The following CLASP1 variants were observed in gnomAD, a reference collection of about 807,000 sequenced individuals.
The protein encoded by CLASP1 is CLIP-associating protein 1.
CLASP1 carries 38 observed loss-of-function variants against 192.3 expected under a neutral mutation model. The ratio of observed to expected loss-of-function variants is 0.20; its 90% CI spans 0.15 to 0.26. CLASP1 has a LOEUF of 0.26. CLASP1 is among the 10% of genes least tolerant of loss of function. The pLI is 1.00. For missense variants in CLASP1, 1,433 were observed against 1,932.5 expected, an observed-to-expected ratio of 0.74 and a Z score of 4.85; for synonymous variants, 691 against 712.8, an observed-to-expected ratio of 0.97 and a Z score of 0.49.
At chr2:121,423,666 A>G (rs779258019) in intron 22 of CLASP1, among the ~76,000 whole-genome samples, 1 of 152,246 alleles carries the variant, frequency 6.6e-6, no homozygotes, top group Non-Finnish European at 1.5e-5. Flanking sequence ...ACAGCATCAG[A>G]CATAAAATTC....
intron 1 of CLASP1, among the ~76,000 whole-genome samples, chr2:121,648,387 G>A (rs750600792): frequency 7.2e-5 from 11 of 152,122 alleles, no homozygotes; most frequent in Non-Finnish European, 1.5e-4. Flanking sequence ...CATGTTTAAA[G>A]AGCTCACAGG....
Position 121,382,179 on chromosome 2 carries a change from T to C in CLASP1, c.3491+29A>G, listed in dbSNP as rs762185028. 8 of 1,537,984 alleles carry C rather than the reference T, an allele frequency of 5.2e-6. No homozygotes were observed. In the South Asian group the frequency reaches 9.4e-5, roughly 18 times the overall value. On this transcript the variant is annotated intron_variant, in intron 33 of 39. Coordinates refer to ENST00000263710, the Ensembl canonical transcript of CLASP1. Reference sequence around the variant, plus strand: ...GGAAATGCAATAATATTGTGACACCTCAGACAAGTTTGACAGGTAGCTTGT... The same window carrying C: ...GGAAATGCAATAATATTGTGACACCCCAGACAAGTTTGACAGGTAGCTTGT...
At chr2:121,611,647 T>G (rs1323387743) in intron 1 of CLASP1, among the ~76,000 whole-genome samples, 336 of 51,276 alleles carry the variant, frequency 6.6e-3, no homozygotes, top group Middle Eastern at 0.014. Flanking sequence ...AGAGGAGGAG[T>G]TGGAGGAGTT....
chr2:121,444,888 G>C (rs1300604292), intron 19 of CLASP1: 6 of 1,269,730 alleles, frequency 4.7e-6, no homozygotes, highest in Non-Finnish European at 6.4e-6. Flanking sequence ...GGTGAGAACA[G>C]AGGACCAGAG....
chr2:121,610,154 A>G (rs1421551800), intron 1 of CLASP1, among the ~76,000 whole-genome samples: 1 of 152,238 alleles, frequency 6.6e-6, no homozygotes, highest in African/African-American at 2.4e-5. Flanking sequence ...AGAGGGAAAA[A>G]GGATGACGTG....
chr2:121,528,528 A>C, intron 4 of CLASP1, 149 bp downstream of exon 4: 1 of 645,806 alleles, frequency 1.5e-6, no homozygotes, highest in Non-Finnish European at 2.8e-6. Context: ...GCATGGGGAA[A>C]CAGATTGAAT....
At chr2:121,519,683 C>T (rs2094412345) in intron 6 of CLASP1, among the ~76,000 whole-genome samples, 1 of 152,216 alleles carries the variant, frequency 6.6e-6, no homozygotes, top group Non-Finnish European at 1.5e-5. Flanking sequence ...TTATCTCTAT[C>T]TTTTAAACCA....
In CLASP1 at chr2:121,387,312, T is replaced by C. The variant is rs774031132; in HGVS notation, c.3268-84A>G. 508 of 927,830 alleles carry C rather than the reference T, an allele frequency of 5.5e-4. 4 individuals are homozygous for C. The highest frequency in any genetic ancestry group is 1.0e-4 in the Admixed American group (3 of 28,930). 57.5% of individuals were successfully genotyped at this position (927,830 alleles called of 1,614,324 possible). A position where few individuals can be genotyped will look rare whatever the true frequency, so the allele number is the denominator to read the frequency against. ...TCTTTCCTTGGTCTTTTAACCCACA[T>C]GTAAATAAATGGGTAGAATCTGCCC... On this transcript the variant is annotated intron_variant, in intron 31 of 39. Transcript: ENST00000263710.
intron 6 of CLASP1, among the ~76,000 whole-genome samples, chr2:121,521,144 T>C (rs774003553): frequency 1.3e-5 from 2 of 152,136 alleles, no homozygotes; most frequent in Admixed American, 6.5e-5. Context: ...AGAAAAAAAG[T>C]CTATCTTTTA....
chr2:121,598,332 C>T (rs1244861500), intron 2 of CLASP1, among the ~76,000 whole-genome samples: 1 of 152,170 alleles, frequency 6.6e-6, no homozygotes, highest in Non-Finnish European at 1.5e-5. Flanking sequence ...AAACTGATCC[C>T]AATATGAGTC....
chr2:121,468,094 G>A (rs533174328), intron 9 of CLASP1, among the ~76,000 whole-genome samples: 6 of 152,280 alleles, frequency 3.9e-5, no homozygotes, highest in Admixed American at 3.9e-4. Flanking sequence ...AGATCAGATG[G>A]TTGTAGTCGT....
At chr2:121,519,971 A>G (rs772195534) in intron 6 of CLASP1, among the ~76,000 whole-genome samples, 1 of 152,124 alleles carries the variant, frequency 6.6e-6, no homozygotes, top group Non-Finnish European at 1.5e-5. Flanking sequence ...AAGGCACCAC[A>G]ATGTGTCAGG....
chr2:121,478,731 A>ACACACACCCCC (rs2092046911), intron 8 of CLASP1, among the ~76,000 whole-genome samples: 1 of 69,038 alleles, frequency 1.4e-5, no homozygotes, highest in Non-Finnish European at 2.8e-5. Context: ...CACACACACC[A>ACACACACCCCC]CACACACACC....
intron 8 of CLASP1, among the ~76,000 whole-genome samples, chr2:121,481,470 T>C (rs2092595018): frequency 6.6e-6 from 1 of 152,206 alleles, no homozygotes; most frequent in Non-Finnish European, 1.5e-5. Flanking sequence ...TTAGGAGGTC[T>C]CAATGACAAT....
At chr2:121,436,216 G>T (rs1023153384) in intron 19 of CLASP1, among the ~76,000 whole-genome samples, 12 of 151,964 alleles carry the variant, frequency 7.9e-5, no homozygotes, top group African/African-American at 2.9e-4. Flanking sequence ...ATTTTTAGTG[G>T]AGACAGGGTT....
At chr2:121,423,114 C>T (rs773082983) in intron 22 of CLASP1, among the ~76,000 whole-genome samples, 10 of 151,912 alleles carry the variant, frequency 6.6e-5, no homozygotes, top group Non-Finnish European at 1.5e-4. Flanking sequence ...AATGAAAATA[C>T]ATTTTATTCA....
intron 35 of CLASP1, 53 bp downstream of exon 36, chr2:121,367,535 G>C: frequency 6.2e-7 from 1 of 1,609,322 alleles, no homozygotes; most frequent in Non-Finnish European, 8.5e-7. Flanking sequence ...AGACGGGAGG[G>C]AGCACAAGGG....
chr2:121,411,503 A>C (rs963258638), intron 23 of CLASP1, among the ~76,000 whole-genome samples: 1 of 152,228 alleles, frequency 6.6e-6, no homozygotes, highest in African/African-American at 2.4e-5. Context: ...TGCCTGTGTC[A>C]ACAAAAATTA....
chr2:121,462,831 G>A (rs563828925), intron 9 of CLASP1, among the ~76,000 whole-genome samples: 1 of 152,170 alleles, frequency 6.6e-6, no homozygotes, highest in Admixed American at 6.5e-5. Context: ...TTAGCTTAAG[G>A]TCACTTAGAC....
Sources: allele counts gnomAD v4.1 joint callset (sites outside exome capture counted in the v4.1 genomes callset), GRCh38; gene constraint gnomAD v4.1.1; transcripts MANE v1.5; gene names NCBI Gene and HGNC (gene_info 2026-07-23, HGNC 2026-07-21).